Variants in EYS observed in about 807,000 individuals in gnomAD.
EYS encodes EGF-like photoreceptor maintenance factor.
Under a neutral mutation model 282.1 loss-of-function variants are expected in EYS, and 250 were observed. The ratio of observed to expected loss-of-function variants is 0.89; its 90% CI spans 0.80 to 0.98. The LOEUF is 0.98. Among genes scored for constraint, EYS ranks in the 50% least tolerant of loss-of-function variants. The pLI is 0.00. For synonymous variants in EYS, 1,355 were observed against 1,282.9 expected (o/e 1.06, Z -1.20); for missense variants, 4,016 against 3,709.0 (o/e 1.08, Z -2.15).
intron 29 of EYS, among the ~76,000 whole-genome samples, chr6:64,340,005 ACTCAT>A (rs1348835308): frequency 1.3e-5 from 2 of 151,148 alleles, no homozygotes; most frequent in Non-Finnish European, 3.0e-5. Context: ...TAAAGAACTT[ACTCAT>A]CTCATCAAAT....
chr6:64,307,958 T>G (rs902915215), intron 29 of EYS, among the ~76,000 whole-genome samples: 14 of 151,988 alleles, frequency 9.2e-5, no homozygotes, highest in South Asian at 2.1e-4. Context: ...GATTACATAG[T>G]CACTAATACT....
chr6:64,702,449 C>G lies in EYS; in HGVS notation c.3444-76204G>C, dbSNP rs558243240. On this transcript the variant is annotated intron_variant, in intron 22 of 42. Coordinates refer to ENST00000503581, the MANE Select transcript of EYS (RefSeq NM_001142800.2). Reference sequence around the variant, plus strand: ...TATAATATAGACATTAAAATTAATGCTTTTATATATCTATATGTTACATAA... The same window carrying G: ...TATAATATAGACATTAAAATTAATGGTTTTATATATCTATATGTTACATAA... Among the ~76,000 whole-genome samples, 31 of 152,062 alleles carry G rather than the reference C, an allele frequency of 2.0e-4. No individual in the cohort carries two copies. The South Asian group carries it at 6.2e-3, about 30-fold the overall frequency.
intron 28 of EYS, among the ~76,000 whole-genome samples, chr6:64,407,679 C>A (rs1773763278): frequency 6.6e-6 from 1 of 152,094 alleles, no homozygotes; most frequent in Non-Finnish European, 1.5e-5. Context: ...TAAAATATAA[C>A]TATATGGTAT....
chr6:63,919,993 C>T (rs1405628383), intron 35 of EYS, among the ~76,000 whole-genome samples: 2 of 152,142 alleles, frequency 1.3e-5, no homozygotes, highest in African/African-American at 4.8e-5. Context: ...CTCTGGCAAA[C>T]AATAACTTGT....
rs544389663 is a variant in EYS, at chr6:65,516,957, A to G, written c.-332-20964T>C. Among the ~76,000 whole-genome samples, 13 of 152,164 alleles carry G rather than the reference A, an allele frequency of 8.5e-5. No homozygotes were observed. In the East Asian group the frequency reaches 1.7e-3, roughly 20 times the overall value. On this transcript the variant is annotated intron_variant, in intron 2 of 42. Coordinates refer to ENST00000503581, the MANE Select transcript of EYS (RefSeq NM_001142800.2). ...ACACACTTTTCAACTATGACACTGT[A>G]TGATGTTGTTATTTTTCCTTTAAAA...
chr6:65,067,652 C>T (rs1392220057), intron 12 of EYS, among the ~76,000 whole-genome samples: 1 of 151,914 alleles, frequency 6.6e-6, no homozygotes, highest in East Asian at 1.9e-4. Flanking sequence ...TAAAGAGACA[C>T]CTAAAAAATA....
intron 33 of EYS, among the ~76,000 whole-genome samples, chr6:64,010,390 G>T (rs796812753): frequency 8.6e-5 from 11 of 128,228 alleles, no homozygotes; most frequent in African/African-American, 2.8e-4. Context: ...GTGTGTGTTT[G>T]GTTGGGGGGG....
chr6:63,966,737 C>G (rs1766328810), intron 35 of EYS, among the ~76,000 whole-genome samples: 1 of 152,160 alleles, frequency 6.6e-6, no homozygotes, highest in South Asian at 2.1e-4. Flanking sequence ...TAGCTTGAAC[C>G]ACATAGCATT....
rs546233488 is a variant in EYS at position 65,619,016 on chromosome 6, A to G, written c.-333+20762T>C. On this transcript the variant is annotated intron_variant, in intron 2 of 42. Transcript: ENST00000503581. ...CCTCCAGCTTTTTTCTTTTGGCTTC[A>G]GATTGACTTGGCGATGCGGGCTCTT... 1.0e-3 allele frequency among the ~76,000 whole-genome samples: 158 copies of G among 152,206 alleles called. 3 individuals are homozygous for G. In the South Asian group the frequency reaches 0.03, roughly 29 times the overall value.
intron 29 of EYS, among the ~76,000 whole-genome samples, chr6:64,344,957 A>G (rs1304931213): frequency 6.6e-6 from 1 of 152,118 alleles, no homozygotes; most frequent in Admixed American, 6.6e-5. Context: ...TAATTGCTTC[A>G]AAGAGAATAA....
chr6:64,591,167 G>A lies in EYS; in HGVS notation c.4700C>T (p.Ser1567Phe), dbSNP rs754735385. 1 of 1,551,322 alleles carries A rather than the reference G, an allele frequency of 6.4e-7. No individual in the cohort carries two copies. Among genetic ancestry groups the A allele is most frequent in the Admixed American group, 2.0e-5 (1 of 50,960 alleles). ...CAAAACTTGATCTGAGAATTCACGAGAGGATTTTATTTCAGTCATAGAACA... is the reference window on the plus strand; with the variant it reads ...CAAAACTTGATCTGAGAATTCACGAAAGGATTTTATTTCAGTCATAGAACA... ...ATCSMTEIKSSREFSDQVLHS... is the reference protein window; with the variant it reads ...ATCSMTEIKSFREFSDQVLHS... The change falls in exon 26 of 43, where the codon TCT (serine) becomes TTT (phenylalanine). Residue 1567 changes from serine (S) to phenylalanine (F), a missense_variant. Ser to Phe is a radical substitution (Grantham distance 155). Coordinates refer to ENST00000503581, the MANE Select transcript of EYS (RefSeq NM_001142800.2).
chr6:64,347,610 C>G (rs1204271814), intron 29 of EYS, among the ~76,000 whole-genome samples: 1 of 151,066 alleles, frequency 6.6e-6, no homozygotes, highest in African/African-American at 2.4e-5. Context: ...AAAACTCTTA[C>G]TATAGGCACT....
intron 31 of EYS, among the ~76,000 whole-genome samples, chr6:64,139,709 G>A (rs967213686): frequency 7.2e-5 from 11 of 151,998 alleles, no homozygotes; most frequent in African/African-American, 1.2e-4. Context: ...GGTGGCTCAC[G>A]TCTGTAATCC....
At chr6:64,853,637 C>A (rs1052434078) in intron 19 of EYS, among the ~76,000 whole-genome samples, 6 of 151,996 alleles carry the variant, frequency 3.9e-5, no homozygotes, top group Admixed American at 1.3e-4. Flanking sequence ...GTATTGGTAA[C>A]GCCGTTGTTA....
chr6:64,562,558 A>G (rs1365977925), intron 26 of EYS, among the ~76,000 whole-genome samples: 1 of 151,908 alleles, frequency 6.6e-6, no homozygotes, highest in Non-Finnish European at 1.5e-5. Context: ...ATTATCCTGT[A>G]TCTGGCTTAG....
intron 26 of EYS, among the ~76,000 whole-genome samples, chr6:64,515,124 A>G (rs1777526150): frequency 6.6e-6 from 1 of 151,748 alleles, no homozygotes; most frequent in Non-Finnish European, 1.5e-5. Flanking sequence ...AAAATTTGAT[A>G]GCAAATTTGT....
intron 28 of EYS, among the ~76,000 whole-genome samples, chr6:64,395,571 G>A (rs1002657809): frequency 3.3e-4 from 49 of 148,192 alleles, no homozygotes; most frequent in African/African-American, 1.2e-3. Flanking sequence ...TCATAGGTGG[G>A]AATTGAACAA....
chr6:63,778,153 G>A lies in EYS; in HGVS notation c.7751C>T (p.Thr2584Ile). The change falls in exon 40 of 43, where the codon ACT (threonine) becomes ATT (isoleucine). Residue 2584 changes from threonine to isoleucine, a missense_variant. Physicochemically the swap from Thr to Ile is moderately conservative, Grantham distance 89. Transcript: ENST00000503581. ...TCCTCTGAAATGGCCATCCTTCTCA[G>A]TGCGAACTTGAAGAGTGAAAATACA... is the stretch of plus-strand genomic sequence containing the variant. ...QGCIFTLQVR[T>I]EKDGHFRGLG... The A allele has an allele frequency of 6.4e-7, 1 of 1,551,884 alleles. No homozygotes were observed. Among genetic ancestry groups the A allele is most frequent in the Non-Finnish European group, 8.7e-7 (1 of 1,146,978 alleles).
chr6:65,059,453 G>A lies in EYS; in HGVS notation c.2024-1726C>T, dbSNP rs184978208. On this transcript the variant is annotated intron_variant, in intron 12 of 42. Coordinates refer to ENST00000503581, the MANE Select transcript of EYS (RefSeq NM_001142800.2). ...AGTTAGGAGGTAGTATTACAACTTG[G>A]ATCAAGGTGCATACCAAAGTTAGTC... is the stretch of plus-strand genomic sequence containing the variant. Among the ~76,000 whole-genome samples the A allele has an allele frequency of 2.0e-3, 306 of 152,156 alleles. 2 individuals are homozygous for A. The highest frequency in any genetic ancestry group is 6.8e-3 in the African/African-American group (281 of 41,536).
Sources: gnomAD v4.1 joint callset for allele counts (sites outside exome capture counted in the v4.1 genomes callset) on GRCh38, gnomAD v4.1.1 for gene constraint, MANE v1.5 for transcripts, NCBI Gene and HGNC (gene_info 2026-07-23, HGNC 2026-07-21) for gene names.